ZNF516: variants seen among roughly 807,000 people sequenced by gnomAD.
The protein encoded by ZNF516 is zinc finger protein 516.
A neutral mutation model predicts 79.7 loss-of-function variants in ZNF516; 19 were observed. The ratio of observed to expected loss-of-function variants is 0.24; its 90% CI spans 0.17 to 0.35. The LOEUF (loss-of-function observed/expected upper bound fraction) is 0.35. ZNF516 is among the 10% of genes least tolerant of loss of function. The probability of loss-of-function intolerance (pLI) is 1.00; values close to 1 mark genes in which losing one functional copy is unlikely to be tolerated. For missense variants in ZNF516, 1,678 were observed against 1,679.5 expected (o/e 1.00, Z 0.02); for synonymous variants, 877 against 739.5 (o/e 1.19, Z -3.02).
chr18:76,368,479 A>T (rs928164777), intron 6 of ZNF516, among the ~76,000 whole-genome samples: 1 of 151,962 alleles, frequency 6.6e-6, no homozygotes, highest in Admixed American at 6.6e-5. Flanking sequence ...GCTCAGTTTT[A>T]ATGCCAGGCC....
At chr18:76,415,739 T>C (rs2075425289) in intron 3 of ZNF516, among the ~76,000 whole-genome samples, 1 of 152,142 alleles carries the variant, frequency 6.6e-6, no homozygotes, top group Non-Finnish European at 1.5e-5. Context: ...TTCAACTGCA[T>C]AGAGAAACCG....
intron 3 of ZNF516, among the ~76,000 whole-genome samples, chr18:76,420,565 C>T (rs1327500479): frequency 6.6e-6 from 1 of 151,986 alleles, no homozygotes; most frequent in East Asian, 1.9e-4. Flanking sequence ...CATGTTATTT[C>T]GTGGAAAACA....
chr18:76,456,521 C>T lies in ZNF516; in HGVS notation c.-158+6507G>A, dbSNP rs536109064. Reference sequence around the variant, plus strand: ...GACCCACAGCTTCAAGCTAAGGAGTCCACCCAAGTCCAGAGCATCAGGACG... The same window carrying T: ...GACCCACAGCTTCAAGCTAAGGAGTTCACCCAAGTCCAGAGCATCAGGACG... On this transcript the variant is annotated intron_variant, in intron 2 of 6. Transcript: ENST00000443185. Among the ~76,000 whole-genome samples the T allele has an allele frequency of 1.3e-4, 19 of 151,434 alleles. No individual in the cohort carries two copies. In the East Asian group the frequency reaches 3.5e-3, roughly 28 times the overall value.
chr18:76,417,767 A>G (rs2075450763), intron 3 of ZNF516, among the ~76,000 whole-genome samples: 1 of 152,326 alleles, frequency 6.6e-6, no homozygotes, highest in Admixed American at 6.5e-5. Context: ...AATTACGACT[A>G]CCATTGAGTT....
At chr18:76,370,495 A>G in intron 6 of ZNF516, 33 bp downstream of exon 6, 1 of 1,573,576 alleles carries the variant, frequency 6.4e-7, no homozygotes, top group Non-Finnish European at 8.6e-7. Context: ...TACCGCATCG[A>G]AACCCAGACA....
chr18:76,377,645 G>A (rs1049493339), intron 4 of ZNF516, among the ~76,000 whole-genome samples: 2 of 152,174 alleles, frequency 1.3e-5, no homozygotes, highest in African/African-American at 2.4e-5. Flanking sequence ...CCAGCTGCCT[G>A]GAGTTTGCAG....
At chr18:76,488,218 C>G (rs375894589) in intron 1 of ZNF516, 1 of 985,272 alleles carries the variant, frequency 1.0e-6, no homozygotes, top group Non-Finnish European at 1.2e-6. Context: ...CTCCCAACAA[C>G]AGAGTAGGGG....
chr18:76,473,903 T>TGTGGGGGGG (rs58634236), intron 1 of ZNF516, among the ~76,000 whole-genome samples: 4 of 54,168 alleles, frequency 7.4e-5, no homozygotes, highest in Non-Finnish European at 9.6e-5. Context: ...TGTTTTTGTG[T>TGTGGGGGGG]GGGGGGGGGG....
chr18:76,495,350 G>C (rs1915441074), upstream of ZNF516, among the ~76,000 whole-genome samples: 1 of 144,646 alleles, frequency 6.9e-6, no homozygotes, highest in African/African-American at 2.5e-5. Context: ...CCCCGGACGC[G>C]TCCGCCCCGC....
upstream of ZNF516, chr18:76,496,220 G>C (rs763411111): frequency 1.4e-5 from 17 of 1,232,796 alleles, no homozygotes; most frequent in Non-Finnish European, 1.6e-5. Context: ...TTCACGGCCG[G>C]TGACGTAGAC....
chr18:76,367,794 C>A (rs531759015), intron 6 of ZNF516, among the ~76,000 whole-genome samples: 1 of 152,150 alleles, frequency 6.6e-6, no homozygotes, highest in African/African-American at 2.4e-5. Context: ...AGGCCTGGCA[C>A]GCAGTGGGTG....
intron 3 of ZNF516, among the ~76,000 whole-genome samples, chr18:76,433,221 G>A (rs374324792): frequency 9.0e-4 from 137 of 152,308 alleles, no homozygotes; most frequent in African/African-American, 3.2e-3. Context: ...ACCACTGACC[G>A]CTGAGTACTC....
At chr18:76,466,565 A>G (rs1009277988) in intron 1 of ZNF516, among the ~76,000 whole-genome samples, 1 of 152,238 alleles carries the variant, frequency 6.6e-6, no homozygotes, top group Admixed American at 6.5e-5. Context: ...CAAGTGCTCT[A>G]TGCAGGTGCC....
Position 76,451,845 on chromosome 18 carries a change from T to A in ZNF516, c.-157-8634A>T, listed in dbSNP as rs530782121. On this transcript the variant is annotated intron_variant, in intron 2 of 6. Coordinates refer to ENST00000443185, the MANE Select transcript of ZNF516 (RefSeq NM_014643.4). The surrounding 1 kb of genome is among the most constrained non-coding windows in gnomAD (Gnocchi z 6.0). ...TCTCAACAAATGGGGGAAAATTCCATCACAACAATGAAGAGTTCCTCTCCC... is the reference window on the plus strand; with the variant it reads ...TCTCAACAAATGGGGGAAAATTCCAACACAACAATGAAGAGTTCCTCTCCC... Among the ~76,000 whole-genome samples, 47 of 152,250 alleles carry A rather than the reference T, an allele frequency of 3.1e-4. No homozygotes were observed. The highest frequency in any genetic ancestry group is 1.1e-3 in the African/African-American group (45 of 41,538).
In ZNF516 at chr18:76,441,452, G is replaced by C. The variant is rs1319157505; in HGVS notation, c.1603C>G (p.Arg535Gly). The C allele has an allele frequency of 6.2e-7, 1 of 1,606,036 alleles. No homozygotes were observed. Among genetic ancestry groups the C allele is most frequent in the Non-Finnish European group, 8.5e-7 (1 of 1,177,588 alleles). ...RTYHQMVLHS[R>G]VHRRARRERD... ...TCGCGGCGCGCGCGGCGATGCACGC[G>C]TGAGTGCAGCACCATCTGATGATAG... The change falls in exon 3 of 7, where the codon CGC becomes GGC. Residue 535 changes from arginine to glycine, a missense_variant. By Grantham distance (125) the Arg-to-Gly change is moderately radical (BLOSUM62 -2). Around this residue, in one of 5 missense-constraint regions of ZNF516, gnomAD observed 1,294 missense variants for 1,248.3 expected, o/e 1.04. Transcript: ENST00000443185.
intron 4 of ZNF516, among the ~76,000 whole-genome samples, chr18:76,376,447 G>A (rs1036295903): frequency 6.7e-6 from 1 of 149,800 alleles, no homozygotes; most frequent in Admixed American, 6.7e-5. Context: ...GTGTACATTA[G>A]AAGAATAAAT....
chr18:76,414,148 T>A (rs2075404979), intron 3 of ZNF516, among the ~76,000 whole-genome samples: 1 of 152,238 alleles, frequency 6.6e-6, no homozygotes, highest in Non-Finnish European at 1.5e-5. Flanking sequence ...TGTATTTACA[T>A]TAAATTAGTG....
At chr18:76,470,299 G>A (rs1913750056) in intron 1 of ZNF516, among the ~76,000 whole-genome samples, 2 of 152,142 alleles carry the variant, frequency 1.3e-5, no homozygotes, top group Non-Finnish European at 2.9e-5. Context: ...CAAATCACAA[G>A]TGGTCAGGAT....
chr18:76,493,149 C>G lies in ZNF516; in HGVS notation c.-272+1995G>C. The G allele has an allele frequency of 8.1e-6, 8 of 985,118 alleles. No homozygotes were observed. The highest frequency in any genetic ancestry group is 9.6e-6 in the Non-Finnish European group (8 of 829,850). 61.0% of individuals were successfully genotyped at this position (985,118 alleles called of 1,614,324 possible). On this transcript the variant is annotated intron_variant, in intron 1 of 6. Transcript: ENST00000443185. This position sits in a 1 kb window ranked among gnomAD's most constrained non-coding sequence, Gnocchi z 5.2. The stretch of plus-strand genomic sequence containing the variant: ...ACCGTTTCATTTAATGGTAAAACAA[C>G]AGCAGAGCTCTGAAAGTTAGCCATC...
Sources: allele counts gnomAD v4.1 joint callset (sites outside exome capture counted in the v4.1 genomes callset), GRCh38; gene constraint gnomAD v4.1.1; regional missense constraint gnomAD v4.1.1; non-coding constraint Gnocchi (gnomAD v3.1); transcripts MANE v1.5; gene names NCBI Gene and HGNC (gene_info 2026-07-23, HGNC 2026-07-21).